Variants in CTNNA2 observed in about 807,000 individuals in gnomAD.
CTNNA2 encodes the protein catenin alpha 2.
A neutral mutation model predicts 101.0 loss-of-function variants in CTNNA2; 42 were observed. The observed-to-expected ratio is 0.42, with a 90% CI of 0.32 to 0.54. The LOEUF (loss-of-function observed/expected upper bound fraction) is 0.54. CTNNA2 is among the 20% of genes least tolerant of loss of function. The pLI is 0.14. For synonymous variants in CTNNA2, 450 were observed against 456.4 expected, an observed-to-expected ratio of 0.99 and a Z score of 0.18; for missense variants, 871 against 1,223.1, an observed-to-expected ratio of 0.71 and a Z score of 4.29.
At chr2:79,973,698 T>G (rs1375662466) in intron 7 of CTNNA2, among the ~76,000 whole-genome samples, 1 of 152,146 alleles carries the variant, frequency 6.6e-6, no homozygotes, top group African/African-American at 2.4e-5. Context: ...TATGTATGTA[T>G]TCACAGAGGT....
At chr2:79,796,493 CAG>C (rs1276269873) in intron 3 of CTNNA2, among the ~76,000 whole-genome samples, 3 of 150,430 alleles carry the variant, frequency 2.0e-5, no homozygotes, top group African/African-American at 7.4e-5. Flanking sequence ...AACACATAAA[CAG>C]AAAAGGAACC....
chr2:80,289,168 G>A (rs1274130888), intron 7 of CTNNA2: 1 of 152,102 alleles, frequency 6.6e-6, no homozygotes, highest in Non-Finnish European at 1.5e-5. Flanking sequence ...CAGAGAAGGA[G>A]GACTGGGGAC....
intron 7 of CTNNA2, among the ~76,000 whole-genome samples, chr2:80,061,151 A>G (rs1465469090): frequency 6.6e-6 from 1 of 152,194 alleles, no homozygotes; most frequent in Non-Finnish European, 1.5e-5. Context: ...GACAAGGCAA[A>G]TCTAGGAAAA....
chr2:80,222,908 T>A (rs1028409862), intron 7 of CTNNA2, among the ~76,000 whole-genome samples: 13 of 152,194 alleles, frequency 8.5e-5, no homozygotes, highest in African/African-American at 3.1e-4. Context: ...AAAAAGAGAA[T>A]GAGATTGTGG....
At chr2:80,027,972 C>CAAAAAAAAAAAAA (rs1177032489) in intron 7 of CTNNA2, 3 of 19,838 alleles carry the variant, frequency 1.5e-4, no homozygotes, top group Non-Finnish European at 3.0e-4. Flanking sequence ...GACCCTGTCT[C>CAAAAAAAAAAAAA]AAAAAAAAAA....
At chr2:79,929,450 A>G (rs1026706438) in intron 7 of CTNNA2, among the ~76,000 whole-genome samples, 3 of 152,228 alleles carry the variant, frequency 2.0e-5, no homozygotes. Context: ...ACTTTAGAAT[A>G]GCCAGAGCTC....
intron 3 of CTNNA2, among the ~76,000 whole-genome samples, chr2:79,823,562 C>A (rs959514605): frequency 2.0e-5 from 3 of 152,076 alleles, no homozygotes; most frequent in African/African-American, 7.2e-5. Context: ...ACCAACCCAT[C>A]ACATGGACTA....
chr2:79,643,064 G>A (rs1206803357), intron 1 of CTNNA2, among the ~76,000 whole-genome samples: 3 of 152,052 alleles, frequency 2.0e-5, no homozygotes, highest in Non-Finnish European at 2.9e-5. Flanking sequence ...GGTGGCACAC[G>A]CCTGTAGTCC....
At chr2:80,510,145 T>C (rs1202492952) in intron 9 of CTNNA2, among the ~76,000 whole-genome samples, 2 of 152,218 alleles carry the variant, frequency 1.3e-5, no homozygotes, top group African/African-American at 4.8e-5. Flanking sequence ...ATCTCCCTGT[T>C]AACTTTCAAA....
chr2:79,941,417 C>T (rs977239442), intron 7 of CTNNA2, among the ~76,000 whole-genome samples: 11 of 152,070 alleles, frequency 7.2e-5, no homozygotes, highest in Non-Finnish European at 8.8e-5. Context: ...TGTTCCGGGC[C>T]GTTGATTGCA....
intron 7 of CTNNA2, among the ~76,000 whole-genome samples, chr2:80,345,983 G>A (rs1672698286): frequency 6.6e-6 from 1 of 152,080 alleles, no homozygotes; most frequent in Non-Finnish European, 1.5e-5. Flanking sequence ...GGCATAAGGA[G>A]AAAATAATTT....
chr2:80,106,051 C>T (rs1251744777), intron 7 of CTNNA2, among the ~76,000 whole-genome samples: 1 of 152,124 alleles, frequency 6.6e-6, no homozygotes, highest in Non-Finnish European at 1.5e-5. Flanking sequence ...AAGGAGGATA[C>T]CGGGGATAGG....
chr2:80,392,103 G>C (rs11885256), intron 7 of CTNNA2, among the ~76,000 whole-genome samples: 2,715 of 152,246 alleles, frequency 0.018, 83 homozygotes, highest in African/African-American at 0.061. Flanking sequence ...ATGCTTCCCG[G>C]ATTTTGTCAC....
intron 7 of CTNNA2, among the ~76,000 whole-genome samples, chr2:80,017,257 C>T (rs892161698): frequency 2.0e-5 from 3 of 151,916 alleles, no homozygotes; most frequent in Non-Finnish European, 4.4e-5. Flanking sequence ...TAATACCTGG[C>T]ACTATTAGGC....
intron 13 of CTNNA2, 44 bp downstream of exon 13, chr2:80,574,358 T>A (rs1044426681): frequency 2.0e-6 from 3 of 1,513,602 alleles, no homozygotes; most frequent in African/African-American, 1.4e-5. Context: ...GATCTCCTAG[T>A]AGGAAACTAA....
At chr2:80,473,072 G>C (rs563836175) in intron 9 of CTNNA2, among the ~76,000 whole-genome samples, 16 of 152,264 alleles carry the variant, frequency 1.1e-4, no homozygotes, top group Admixed American at 1.0e-3. Flanking sequence ...AGAATTTAAG[G>C]ACAGTACTAT....
chr2:80,604,196 G>C lies in CTNNA2; in HGVS notation c.2295+17G>C. ...GCTGATCAGGTAATAGAAGAGGGAA[G>C]GGTGGGCACATGCTGAGTGGAGTCA... On this transcript the variant is annotated intron_variant, in intron 16 of 18. Coordinates refer to ENST00000402739, the MANE Select transcript of CTNNA2 (RefSeq NM_001282597.3). 6.2e-7 allele frequency: 1 copy of C among 1,603,318 alleles called. No individual in the cohort carries two copies. The highest frequency in any genetic ancestry group is 8.5e-7 in the Non-Finnish European group (1 of 1,171,782).
At chr2:80,452,916 C>T (rs894158965) in intron 9 of CTNNA2, among the ~76,000 whole-genome samples, 2 of 151,964 alleles carry the variant, frequency 1.3e-5, no homozygotes, top group Non-Finnish European at 2.9e-5. Flanking sequence ...TGGAATGAGG[C>T]AAAAATTTCA....
chr2:79,781,224 C>T (rs1312188987), intron 3 of CTNNA2, among the ~76,000 whole-genome samples: 1 of 152,156 alleles, frequency 6.6e-6, no homozygotes, highest in African/African-American at 2.4e-5. Flanking sequence ...GTTGCCATGG[C>T]ATTTGTAAAC....
Sources: gnomAD v4.1 joint callset for allele counts (sites outside exome capture counted in the v4.1 genomes callset) on GRCh38, gnomAD v4.1.1 for gene constraint, MANE v1.5 for transcripts, NCBI Gene and HGNC (gene_info 2026-07-23, HGNC 2026-07-21) for gene names.